The following WDR70 variants were observed in gnomAD, a reference collection of about 807,000 sequenced individuals.
WDR70 encodes WD repeat domain 70, also known as WD repeat-containing protein 70.
A neutral mutation model predicts 88.6 loss-of-function variants in WDR70; 53 were observed. The observed-to-expected ratio is 0.60, with a 90% CI of 0.48 to 0.75. The LOEUF (loss-of-function observed/expected upper bound fraction) is 0.75. Ranked by LOEUF, WDR70 falls within the 30% of genes least tolerant of loss-of-function variation. WDR70 has a pLI of 0.00. For missense variants in WDR70, 610 were observed against 823.2 expected, an observed-to-expected ratio of 0.74 and a Z score of 3.17; for synonymous variants, 280 against 270.0, an observed-to-expected ratio of 1.04 and a Z score of -0.36.
chr5:37,592,753 A>G (rs1182954823), intron 9 of WDR70, among the ~76,000 whole-genome samples: 1 of 152,246 alleles, frequency 6.6e-6, no homozygotes. Context: ...CATTATTTCT[A>G]TATGCTGGAA....
intron 5 of WDR70, among the ~76,000 whole-genome samples, chr5:37,437,316 T>C (rs1486507837): frequency 6.6e-6 from 1 of 152,184 alleles, no homozygotes; most frequent in African/African-American, 2.4e-5. Flanking sequence ...AGTTACCCTG[T>C]GAAGGTTTTG....
chr5:37,465,396 G>GTAATAATGTACTGAT (rs1455265913), intron 7 of WDR70, among the ~76,000 whole-genome samples: 1 of 152,176 alleles, frequency 6.6e-6, no homozygotes, highest in Non-Finnish European at 1.5e-5. Context: ...ATTGAAATTA[G>GTAATAATGTACTGAT]TACTCTGGAA....
At chr5:37,665,133 C>G (rs187017287) in intron 10 of WDR70, among the ~76,000 whole-genome samples, 1 of 152,334 alleles carries the variant, frequency 6.6e-6, no homozygotes, top group African/African-American at 2.4e-5. Flanking sequence ...GGCTTCTAAT[C>G]TATCTTTCCT....
Position 37,381,483 on chromosome 5 carries a change from T to A in WDR70, c.92-119T>A. On this transcript the variant is annotated intron_variant, in intron 2 of 17. Transcript: ENST00000265107. ...TCCTTCTTCTGTGATATATTATGGT[T>A]ATATTGGAGCCATGCTATAAACTAG... 3.9e-6 allele frequency: 3 copies of A among 768,772 alleles called. No homozygotes were observed. In the South Asian group the frequency reaches 4.2e-5, roughly 11 times the overall value. 47.6% of individuals were successfully genotyped at this position (768,772 alleles called of 1,614,324 possible).
intron 8 of WDR70, among the ~76,000 whole-genome samples, chr5:37,487,174 C>G (rs1183268897): frequency 1.3e-5 from 2 of 152,150 alleles, no homozygotes; most frequent in Non-Finnish European, 2.9e-5. Flanking sequence ...CAAATATTCT[C>G]TCTCTTTTGA....
chr5:37,753,351 T>C lies in WDR70; in HGVS notation c.*778T>C, dbSNP rs1748864297. The C allele has an allele frequency of 6.6e-6, 1 of 152,192 alleles. No homozygotes were observed. Among genetic ancestry groups the C allele is most frequent in the Non-Finnish European group, 1.5e-5 (1 of 68,030 alleles). 9.4% of individuals were successfully genotyped at this position (152,192 alleles called of 1,614,324 possible). On this transcript the variant is annotated 3_prime_UTR_variant, in exon 18 of 18. Coordinates refer to ENST00000265107, the MANE Select transcript of WDR70 (RefSeq NM_018034.4). ...GGGCTAATATTTACTTTGCTTGGTTTTTATCAGTATTAAATTAGAAAGGTA... is the reference window on the plus strand; with the variant it reads ...GGGCTAATATTTACTTTGCTTGGTTCTTATCAGTATTAAATTAGAAAGGTA...
In WDR70 at chr5:37,430,404, C is replaced by A. The variant is rs192595335; in HGVS notation, c.493-7518C>A. Among the ~76,000 whole-genome samples, 643 of 152,180 alleles carry A rather than the reference C, an allele frequency of 4.2e-3. 4 individuals carry two copies. The highest frequency in any genetic ancestry group is 6.8e-3 in the Non-Finnish European group (463 of 68,010). ...AAGCAGCACTGGGTGTCAATTAATT[C>A]TAGAATTGGACATGAGGGTAAATGG... On this transcript the variant is annotated intron_variant, in intron 5 of 17. Coordinates refer to ENST00000265107, the MANE Select transcript of WDR70 (RefSeq NM_018034.4).
At chr5:37,466,018 A>G (rs1739140260) in intron 7 of WDR70, among the ~76,000 whole-genome samples, 2 of 151,926 alleles carry the variant, frequency 1.3e-5, no homozygotes. Context: ...CATACTGTTA[A>G]TATTACCCTT....
chr5:37,555,856 C>CT (rs1264164584), intron 9 of WDR70, among the ~76,000 whole-genome samples: 1 of 152,052 alleles, frequency 6.6e-6, no homozygotes, highest in African/African-American at 2.4e-5. Context: ...GTAGCTGGGA[C>CT]TACAGGCATA....
intron 9 of WDR70, among the ~76,000 whole-genome samples, chr5:37,566,842 A>T (rs1354940857): frequency 6.6e-6 from 1 of 152,208 alleles, no homozygotes; most frequent in African/African-American, 2.4e-5. Flanking sequence ...AGATTCTGTT[A>T]GTGAGGAGAT....
chr5:37,697,334 T>G (rs957968683), intron 10 of WDR70, among the ~76,000 whole-genome samples: 2 of 152,212 alleles, frequency 1.3e-5, no homozygotes, highest in African/African-American at 4.8e-5. Context: ...ATTGTCCCAA[T>G]AACTTTATAA....
chr5:37,720,385 T>C (rs1388890764), intron 13 of WDR70, among the ~76,000 whole-genome samples: 2 of 152,128 alleles, frequency 1.3e-5, no homozygotes, highest in African/African-American at 4.8e-5. Flanking sequence ...CTCTGCCCTC[T>C]TACCACAGAC....
At chr5:37,593,144 ACT>A (rs1378526142) in intron 9 of WDR70, among the ~76,000 whole-genome samples, 2 of 151,890 alleles carry the variant, frequency 1.3e-5, no homozygotes, top group African/African-American at 2.4e-5. Context: ...ATAGAGCAAG[ACT>A]CTGTCTCTCT....
chr5:37,475,170 T>C (rs1311194954), intron 7 of WDR70, among the ~76,000 whole-genome samples: 1 of 151,536 alleles, frequency 6.6e-6, no homozygotes, highest in Non-Finnish European at 1.5e-5. Context: ...TCCACCTGCC[T>C]TGGCCTCCCA....
At chr5:37,589,048 C>T (rs748339966) in intron 9 of WDR70, among the ~76,000 whole-genome samples, 1 of 151,988 alleles carries the variant, frequency 6.6e-6, no homozygotes, top group Non-Finnish European at 1.5e-5. Flanking sequence ...CAGGCATGAG[C>T]CACTGCGCCC....
chr5:37,489,269 A>G (rs12652895), intron 8 of WDR70, among the ~76,000 whole-genome samples: 90,822 of 152,076 alleles, frequency 0.6, 28,483 homozygotes, highest in Non-Finnish European at 0.69. Context: ...CTGATATTTG[A>G]GCCTCCAGGT....
chr5:37,586,242 A>G (rs1424304004), intron 9 of WDR70, among the ~76,000 whole-genome samples: 1 of 151,720 alleles, frequency 6.6e-6, no homozygotes, highest in Non-Finnish European at 1.5e-5. Context: ...TCTCTCCCTC[A>G]TTGTTTCCCA....
chr5:37,530,811 T>G (rs897752477), intron 9 of WDR70, among the ~76,000 whole-genome samples: 1 of 151,144 alleles, frequency 6.6e-6, no homozygotes, highest in Non-Finnish European at 1.5e-5. Flanking sequence ...TGAGTTATGC[T>G]CTGATCTTCA....
chr5:37,701,701 G>C (rs540851080), intron 12 of WDR70, among the ~76,000 whole-genome samples: 5 of 151,224 alleles, frequency 3.3e-5, no homozygotes, highest in African/African-American at 1.2e-4. Flanking sequence ...CAGGAGAATG[G>C]TGTGAACCTG....
Sources: gnomAD v4.1 joint callset for allele counts (sites outside exome capture counted in the v4.1 genomes callset) on GRCh38, gnomAD v4.1.1 for gene constraint, MANE v1.5 for transcripts, NCBI Gene and HGNC (gene_info 2026-07-23, HGNC 2026-07-21) for gene names.